The following PRCP variants were observed in gnomAD, a reference collection of about 807,000 sequenced individuals.
PRCP encodes lysosomal Pro-X carboxypeptidase.
In PRCP, 46 loss-of-function variants were observed where a neutral mutation model predicts 54.2. The observed-to-expected ratio is 0.85, with a 90% confidence interval of 0.67 to 1.09. PRCP has a LOEUF of 1.09. PRCP is among the 50% of genes least tolerant of loss of function. The pLI is 0.00. For synonymous variants in PRCP, 240 were observed against 212.2 expected (o/e 1.13, Z -1.14); for missense variants, 613 against 596.8 (o/e 1.03, Z -0.28).
intron 1 of PRCP, among the ~76,000 whole-genome samples, chr11:82,892,690 A>G (rs142662752): frequency 6.6e-6 from 1 of 152,242 alleles, no homozygotes; most frequent in African/African-American, 2.4e-5. Context: ...AGGTCAGTAA[A>G]CTATTATAAT....
chr11:82,881,072 A>C (rs1201871179), intron 1 of PRCP, among the ~76,000 whole-genome samples: 1 of 152,134 alleles, frequency 6.6e-6, no homozygotes, highest in Non-Finnish European at 1.5e-5. Flanking sequence ...TTCCATTATG[A>C]GAGAAACATT....
Position 82,860,093 on chromosome 11 carries a change from C to G in PRCP, c.193G>C (p.Val65Leu), listed in dbSNP as rs1315674556. The G allele has an allele frequency of 1.9e-6, 3 of 1,555,428 alleles. No individual in the cohort carries two copies. The highest frequency in any genetic ancestry group is 1.7e-6 in the Non-Finnish European group (2 of 1,149,684). Residue 65 changes from valine (V) to leucine (L), a missense_variant, in exon 2 of 9, where the codon GTG (valine) becomes CTG (leucine). Transcript: ENST00000313010. The part of the protein sequence containing the change: ...QKVDHFGFNT[V>L]KTFNQRYLVA... ...AGGTACCGCTGATTAAAAGTTTTCA[C>G]AGTATTAAATCCAAAATGATCAACC...
At chr11:82,846,506 C>A (rs960448071) in intron 6 of PRCP, among the ~76,000 whole-genome samples, 11 of 151,968 alleles carry the variant, frequency 7.2e-5, no homozygotes, top group Non-Finnish European at 1.3e-4. Flanking sequence ...TACCAGCAAT[C>A]AAGAATTCCT....
chr11:82,849,083 T>A lies in PRCP; in HGVS notation c.887A>T (p.Asn296Ile). 2 of 1,614,018 alleles carry A rather than the reference T, an allele frequency of 1.2e-6. No homozygotes were observed. Among genetic ancestry groups the A allele is most frequent in the Non-Finnish European group, 1.7e-6 (2 of 1,179,954 alleles). ...LAMVDYPYAS[N>I]FLQPLPAWPI... ...CCAAGCAGGCAAAGGCTGTAAAAAGTTAGAGGCATAAGGATAGTCCACCAT... is the reference window on the plus strand; with the variant it reads ...CCAAGCAGGCAAAGGCTGTAAAAAGATAGAGGCATAAGGATAGTCCACCAT... Residue 296 changes from asparagine (N) to isoleucine (I), a missense_variant, in exon 6 of 9, where the codon AAC (asparagine) becomes ATC (isoleucine). By Grantham distance (149) the Asn-to-Ile change is moderately radical. Coordinates refer to ENST00000313010, the MANE Select transcript of PRCP (RefSeq NM_005040.4).
At chr11:82,827,722 A>G (rs1858272857) in intron 8 of PRCP, 1 of 152,012 alleles carries the variant, frequency 6.6e-6, no homozygotes, top group African/African-American at 2.4e-5. Flanking sequence ...CCTTTTCAAG[A>G]TTGTTTTGGC....
At chr11:82,901,635 T>G (rs1053943027), upstream of PRCP, 5 of 152,368 alleles carry the variant, frequency 3.3e-5, no homozygotes, top group African/African-American at 9.7e-5. Flanking sequence ...GCTTGTAGGA[T>G]TTCCTCGCTA....
At chr11:82,886,593 G>A (rs922477812) in intron 1 of PRCP, among the ~76,000 whole-genome samples, 25 of 152,150 alleles carry the variant, frequency 1.6e-4, no homozygotes, top group African/African-American at 5.8e-4. Flanking sequence ...TGAACTACAT[G>A]AATTAAATAT....
intron 2 of PRCP, among the ~76,000 whole-genome samples, chr11:82,855,476 G>A (rs1448915215): frequency 3.9e-5 from 6 of 152,024 alleles, no homozygotes; most frequent in South Asian, 2.1e-4. Flanking sequence ...AAACTTAGCC[G>A]GGCGTGGTGG....
chr11:82,860,164 A>G, intron 1 of PRCP, 47 bp from the exon 2 acceptor site: 2 of 1,318,644 alleles, frequency 1.5e-6, no homozygotes, highest in Non-Finnish European at 2.0e-6. Context: ...AAGTAATAAA[A>G]TGAGATCAAC....
chr11:82,839,067 A>G (rs74411324), intron 7 of PRCP, among the ~76,000 whole-genome samples, 194 bp downstream of exon 7: 94 of 152,352 alleles, frequency 6.2e-4, no homozygotes, highest in African/African-American at 2.1e-3. Context: ...TAAGAACTCA[A>G]TATCTATTTG....
At chr11:82,856,115 G>A (rs1381060347) in intron 2 of PRCP, among the ~76,000 whole-genome samples, 1 of 151,884 alleles carries the variant, frequency 6.6e-6, no homozygotes, top group East Asian at 1.9e-4. Flanking sequence ...AGACCAGCCT[G>A]GGCAACATAG....
At chr11:82,862,166 C>T (rs145076607) in intron 1 of PRCP, among the ~76,000 whole-genome samples, 5 of 151,960 alleles carry the variant, frequency 3.3e-5, no homozygotes, top group African/African-American at 1.2e-4. Flanking sequence ...GACCTAAAGA[C>T]TTGTTCATTT....
chr11:82,883,527 G>A (rs915670976), intron 1 of PRCP, among the ~76,000 whole-genome samples: 1 of 152,176 alleles, frequency 6.6e-6, no homozygotes, highest in African/African-American at 2.4e-5. Context: ...CTCTGATTAT[G>A]TTTTTAAAGG....
chr11:82,883,551 A>T lies in PRCP; in HGVS notation c.168+16684T>A, dbSNP rs779630484. ...TGTTTTTAAAGGTTGATCCTAAAAT[A>T]TATTTGCATTGTCTAAGCCTACACT... On this transcript the variant is annotated intron_variant, in intron 1 of 8. Transcript: ENST00000313010. 6.9e-4 allele frequency among the ~76,000 whole-genome samples: 105 copies of T among 152,226 alleles called. 2 individuals are homozygous for T. The highest frequency in any genetic ancestry group is 1.2e-3 in the South Asian group (6 of 4,824).
At chr11:82,833,407 C>A (rs886713501) in intron 8 of PRCP, among the ~76,000 whole-genome samples, 2 of 152,172 alleles carry the variant, frequency 1.3e-5, no homozygotes, top group African/African-American at 4.8e-5. Context: ...CATTTCATGC[C>A]AGTTAGAATG....
At chr11:82,842,082 C>A (rs1318984592) in intron 6 of PRCP, among the ~76,000 whole-genome samples, 1 of 152,130 alleles carries the variant, frequency 6.6e-6, no homozygotes, top group Non-Finnish European at 1.5e-5. Context: ...TGTGCAGCAA[C>A]AAGTGGCCCA....
At chr11:82,865,126 C>T (rs1859300420) in intron 1 of PRCP, among the ~76,000 whole-genome samples, 1 of 152,166 alleles carries the variant, frequency 6.6e-6, no homozygotes, top group Non-Finnish European at 1.5e-5. Flanking sequence ...GGCTGATGCT[C>T]AGAGAGGTCA....
intron 1 of PRCP, among the ~76,000 whole-genome samples, chr11:82,869,407 A>G (rs904451323): frequency 4.0e-5 from 6 of 151,168 alleles, no homozygotes; most frequent in Admixed American, 4.0e-4. Flanking sequence ...GGAAGAAAGG[A>G]AGGAAGGAAA....
intron 1 of PRCP, among the ~76,000 whole-genome samples, chr11:82,877,833 G>A (rs571281270): frequency 6.6e-6 from 1 of 152,198 alleles, no homozygotes; most frequent in Non-Finnish European, 1.5e-5. Flanking sequence ...GCCTAGTGGA[G>A]CTATGAGAAG....
Sources: allele counts gnomAD v4.1 joint callset (sites outside exome capture counted in the v4.1 genomes callset), GRCh38; gene constraint gnomAD v4.1.1; transcripts MANE v1.5; gene names NCBI Gene and HGNC (gene_info 2026-07-23, HGNC 2026-07-21).